The following ZNF407 variants were observed in gnomAD, a reference collection of about 807,000 sequenced individuals.
ZNF407 encodes zinc finger protein 407.
A neutral mutation model predicts 131.2 loss-of-function variants in ZNF407; 17 were observed. That is an observed-to-expected ratio of 0.13 (90% CI 0.09 to 0.19). The LOEUF is 0.19. Ranked by LOEUF, ZNF407 falls within the 10% of genes least tolerant of loss-of-function variation. ZNF407 has a pLI of 1.00. For missense variants in ZNF407, 2,681 were observed against 2,830.6 expected (o/e 0.95, Z 1.20); for synonymous variants, 1,156 against 1,062.0 (o/e 1.09, Z -1.72).
At chr18:74,754,552 T>C (rs1968884240) in intron 3 of ZNF407, among the ~76,000 whole-genome samples, 1 of 152,246 alleles carries the variant, frequency 6.6e-6, no homozygotes, top group African/African-American at 2.4e-5. Flanking sequence ...CATTGTGTCT[T>C]TGTTCTCATT....
At chr18:74,937,393 G>A (rs915798137) in intron 8 of ZNF407, among the ~76,000 whole-genome samples, 1 of 152,150 alleles carries the variant, frequency 6.6e-6, no homozygotes, top group East Asian at 1.9e-4. Context: ...TAAAATAACT[G>A]ACTGAAACTT....
rs761384018 is a variant in ZNF407 at position 74,631,518 on chromosome 18, C to T, written c.499C>T (p.Pro167Ser). 1.8e-5 allele frequency: 29 copies of T among 1,613,800 alleles called. No homozygotes were observed. Among genetic ancestry groups the T allele is most frequent in the Admixed American group, 6.7e-5 (4 of 60,010 alleles). Reference protein sequence around the residue: ...MVSLDLERESPFPPKEISVSC... With the variant: ...MVSLDLERESSFPPKEISVSC... ...TTCCCTTGATCTGGAAAGAGAATCT[C>T]CTTTCCCCCCGAAAGAAATTAGTGT... is the stretch of plus-strand genomic sequence containing the variant. The change falls in exon 2 of 9, where the codon CCT becomes TCT. Residue 167 changes from proline (P) to serine (S), a missense_variant. Pro to Ser is a moderately conservative substitution (Grantham distance 74, BLOSUM62 -1). Around this residue, in one of 6 missense-constraint regions of ZNF407, gnomAD observed 1,789 missense variants for 1,748.7 expected, o/e 1.02. Coordinates refer to ENST00000299687, the MANE Select transcript of ZNF407 (RefSeq NM_017757.3).
At chr18:74,881,231 T>C in intron 6 of ZNF407, 112 bp downstream of exon 6, 1 of 947,126 alleles carries the variant, frequency 1.1e-6, no homozygotes, top group Non-Finnish European at 1.6e-6. Context: ...ATAACATCTG[T>C]GCACTTGAAG....
In ZNF407 at chr18:74,632,291, T is replaced by G. The variant is rs1427746244; in HGVS notation, c.1272T>G (p.Gly424=). ...CTGAGCGAAATATTCTCGTGTTGGG[T>G]AATAGCTTTCGTCGACGAAGCAGCA... is the stretch of plus-strand genomic sequence containing the variant. ...PRPERNILVL[G]NSFRRRSSTF... Residue 424 remains glycine, a synonymous_variant, in exon 2 of 9, where the codon GGT becomes GGG. Coordinates refer to ENST00000299687, the MANE Select transcript of ZNF407 (RefSeq NM_017757.3). 1.2e-6 allele frequency: 2 copies of G among 1,613,894 alleles called. No homozygotes were observed. Among genetic ancestry groups the G allele is most frequent in the African/African-American group, 2.7e-5 (2 of 75,036 alleles).
At chr18:74,967,215 C>A (rs1972419455) in intron 8 of ZNF407, among the ~76,000 whole-genome samples, 1 of 152,098 alleles carries the variant, frequency 6.6e-6, no homozygotes, top group South Asian at 2.1e-4. Flanking sequence ...CTGCTGCACT[C>A]CATCCTGGGC....
At chr18:74,730,699 G>A (rs1195932098) in intron 3 of ZNF407, among the ~76,000 whole-genome samples, 1 of 152,002 alleles carries the variant, frequency 6.6e-6, no homozygotes, top group Non-Finnish European at 1.5e-5. Context: ...CTTGACCTTT[G>A]GCTAAAATTA....
intron 3 of ZNF407, among the ~76,000 whole-genome samples, chr18:74,753,372 C>G (rs1156397517): frequency 2.0e-5 from 3 of 152,228 alleles, no homozygotes; most frequent in Non-Finnish European, 4.4e-5. Context: ...CCTGACTACC[C>G]TGGCCAGAAC....
chr18:75,044,235 C>T (rs892879447), intron 8 of ZNF407, among the ~76,000 whole-genome samples: 4 of 151,664 alleles, frequency 2.6e-5, no homozygotes, highest in Non-Finnish European at 5.9e-5. Flanking sequence ...TATAGCAGCA[C>T]TTGGGGGAAA....
chr18:75,009,151 C>A (rs1041768019), intron 8 of ZNF407, among the ~76,000 whole-genome samples: 1 of 152,134 alleles, frequency 6.6e-6, no homozygotes, highest in African/African-American at 2.4e-5. Context: ...AAAATACTAT[C>A]TCTCACCAGT....
At chr18:74,757,115 C>G (rs1026592396) in intron 3 of ZNF407, among the ~76,000 whole-genome samples, 1 of 151,848 alleles carries the variant, frequency 6.6e-6, no homozygotes, top group Non-Finnish European at 1.5e-5. Flanking sequence ...TATTTCATCC[C>G]TTCTGCTCAC....
At chr18:74,940,795 G>A (rs968781600) in intron 8 of ZNF407, among the ~76,000 whole-genome samples, 1 of 152,122 alleles carries the variant, frequency 6.6e-6, no homozygotes, top group Non-Finnish European at 1.5e-5. Context: ...TCACTTACCT[G>A]GATCCTTTAT....
intron 8 of ZNF407, among the ~76,000 whole-genome samples, chr18:74,921,819 A>G (rs997588265): frequency 2.3e-4 from 35 of 152,234 alleles, no homozygotes; most frequent in Admixed American, 2.0e-3. Context: ...TATATATCAC[A>G]CCAGAAATGC....
At chr18:74,744,240 A>G (rs2061353) in intron 3 of ZNF407, among the ~76,000 whole-genome samples, 142,999 of 152,220 alleles carry the variant, frequency 0.94, 67,784 homozygotes, top group East Asian at 1. Flanking sequence ...CACCTCCCCA[A>G]GATTTGGATA....
chr18:74,938,479 C>T (rs1972063298), intron 8 of ZNF407, among the ~76,000 whole-genome samples: 1 of 152,040 alleles, frequency 6.6e-6, no homozygotes, highest in South Asian at 2.1e-4. Context: ...CATAGTGTAC[C>T]CTTTTAGATC....
In ZNF407 at chr18:74,609,688, G is replaced by A. The variant is rs77201574; in HGVS notation, c.-54+11751G>A. Among the ~76,000 whole-genome samples the A allele has an allele frequency of 3.8e-3, 577 of 152,276 alleles. 1 individual carries two copies. The highest frequency in any genetic ancestry group is 0.013 in the African/African-American group (542 of 41,540). ...TGCTTACACCAGCATCACCACAAACGTGAGAAATGTGTTGTACTAAGACAT... is the reference window on the plus strand; with the variant it reads ...TGCTTACACCAGCATCACCACAAACATGAGAAATGTGTTGTACTAAGACAT... On this transcript the variant is annotated intron_variant, in intron 1 of 8. Transcript: ENST00000299687.
At chr18:74,788,060 G>T (rs1969753865) in intron 4 of ZNF407, among the ~76,000 whole-genome samples, 1 of 152,132 alleles carries the variant, frequency 6.6e-6, no homozygotes, top group Non-Finnish European at 1.5e-5. Context: ...TATGTTTACT[G>T]TTGGGAAGCT....
At chr18:74,889,304 A>G (rs914372751) in intron 6 of ZNF407, among the ~76,000 whole-genome samples, 3 of 151,834 alleles carry the variant, frequency 2.0e-5, no homozygotes, top group South Asian at 2.1e-4. Flanking sequence ...CTATTTACCT[A>G]TGTCTGTCTG....
At chr18:74,904,076 A>G (rs1203016036) in intron 7 of ZNF407, among the ~76,000 whole-genome samples, 2 of 152,226 alleles carry the variant, frequency 1.3e-5, no homozygotes, top group African/African-American at 4.8e-5. Context: ...CCAAAGCCCT[A>G]GGAGTATCCT....
intron 8 of ZNF407, among the ~76,000 whole-genome samples, chr18:74,937,012 TTTATACATGCTGGA>T (rs1453051439): frequency 6.6e-6 from 1 of 152,212 alleles, no homozygotes. Context: ...TAATCTTGTG[TTTATACATGCTGGA>T]TTATCACCAA....
Sources: allele counts gnomAD v4.1 joint callset (sites outside exome capture counted in the v4.1 genomes callset), GRCh38; gene constraint gnomAD v4.1.1; regional missense constraint gnomAD v4.1.1; transcripts MANE v1.5; gene names NCBI Gene and HGNC (gene_info 2026-07-23, HGNC 2026-07-21).